Variants in PAX7 observed in about 807,000 individuals in gnomAD.
PAX7 encodes paired box protein Pax-7.
PAX7 carries 18 observed loss-of-function variants against 50.7 expected under a neutral mutation model. That is an observed-to-expected ratio of 0.36 (90% CI 0.25 to 0.53). The LOEUF (loss-of-function observed/expected upper bound fraction) is 0.53, where lower values mean the gene tolerates loss of function less well. Ranked by LOEUF, PAX7 falls within the 20% of genes least tolerant of loss-of-function variation. PAX7 has a pLI of 0.93. For synonymous variants in PAX7, 310 were observed against 290.4 expected (o/e 1.07, Z -0.69); for missense variants, 644 against 702.9 (o/e 0.92, Z 0.95).
At chr1:18,650,179 C>G (rs1351410533) in intron 4 of PAX7, among the ~76,000 whole-genome samples, 2 of 152,236 alleles carry the variant, frequency 1.3e-5, no homozygotes, top group Non-Finnish European at 2.9e-5. Context: ...AATCAGAGCC[C>G]TCAGGCTGTG....
chr1:18,681,278 A>T (rs1014426092), intron 4 of PAX7, among the ~76,000 whole-genome samples: 1 of 151,658 alleles, frequency 6.6e-6, no homozygotes, highest in Non-Finnish European at 1.5e-5. Flanking sequence ...CTCCTCACTA[A>T]TTCACAGCTG....
At position 18,727,371 on chromosome 1, in the gene PAX7, TACACACACAC is replaced by T. The variant is rs56258552; in HGVS notation, c.1156-8231_1156-8222del. ...TCATCCTCTCTCTCTCTCTCTCTCA[TACACACACAC>T]ACACACACACACACACACACACACA... On this transcript the variant is annotated intron_variant, in intron 7 of 8. Transcript: ENST00000420770. Among the ~76,000 whole-genome samples, 675 of 134,068 alleles carry T rather than the reference TACACACACAC, an allele frequency of 5.0e-3. 9 individuals carry two copies. Among genetic ancestry groups the T allele is most frequent in the African/African-American group, 0.018 (627 of 35,494 alleles). The allele number at this position is 134,068 out of a possible 152,430, so 88.0% of individuals were successfully genotyped here.
intron 7 of PAX7, among the ~76,000 whole-genome samples, chr1:18,712,411 C>T (rs1044405363): frequency 2.0e-5 from 3 of 152,336 alleles, no homozygotes; most frequent in East Asian, 1.9e-4. Context: ...AGCCTCTTCT[C>T]CTGTGAAAAT....
At chr1:18,642,895 A>G (rs375393115) in intron 4 of PAX7, among the ~76,000 whole-genome samples, 1 of 130,900 alleles carries the variant, frequency 7.6e-6, no homozygotes, top group South Asian at 2.5e-4. Context: ...GTGAGAGCGC[A>G]GGGGGAACTA....
intron 4 of PAX7, among the ~76,000 whole-genome samples, chr1:18,673,393 A>G (rs1409467637): frequency 1.3e-5 from 2 of 152,124 alleles, no homozygotes; most frequent in African/African-American, 2.4e-5. Context: ...AAGTGAACAC[A>G]TTTTTGTCCA....
intron 8 of PAX7, among the ~76,000 whole-genome samples, chr1:18,738,230 G>A (rs538657159): frequency 1.3e-5 from 2 of 152,256 alleles, no homozygotes; most frequent in Non-Finnish European, 2.9e-5. Flanking sequence ...AGAATTTCCA[G>A]AGGGTCCCAG....
chr1:18,654,084 A>G (rs543832640), intron 4 of PAX7, among the ~76,000 whole-genome samples: 4 of 152,200 alleles, frequency 2.6e-5, no homozygotes, highest in African/African-American at 9.6e-5. Context: ...GCAGCCCTGA[A>G]CAATGGCAAG....
At chr1:18,674,107 G>C (rs2088792089) in intron 4 of PAX7, among the ~76,000 whole-genome samples, 1 of 152,234 alleles carries the variant, frequency 6.6e-6, no homozygotes, top group Non-Finnish European at 1.5e-5. Flanking sequence ...TGGCCATATA[G>C]GAGGACGCAA....
chr1:18,654,207 G>A (rs1416596511), intron 4 of PAX7, among the ~76,000 whole-genome samples: 5 of 141,162 alleles, frequency 3.5e-5, no homozygotes, highest in South Asian at 2.3e-4. Flanking sequence ...CCCCCCACCC[G>A]CCAGCTCCAC....
chr1:18,730,179 T>C (rs2089629485), intron 7 of PAX7, among the ~76,000 whole-genome samples: 2 of 152,156 alleles, frequency 1.3e-5, no homozygotes, highest in Non-Finnish European at 1.5e-5. Context: ...AATAACTCTC[T>C]AGGTAGCTAC....
intron 7 of PAX7, among the ~76,000 whole-genome samples, chr1:18,725,167 C>T (rs377399655): frequency 5.8e-4 from 88 of 152,302 alleles, no homozygotes; most frequent in Non-Finnish European, 8.1e-4. Flanking sequence ...TGAGCTATCA[C>T]GGCCCTGAGT....
intron 7 of PAX7, among the ~76,000 whole-genome samples, chr1:18,707,148 C>T (rs548705652): frequency 3.3e-5 from 5 of 152,294 alleles, no homozygotes; most frequent in Admixed American, 2.6e-4. Context: ...AATCAGTGAA[C>T]ATGAGAGGAA....
chr1:18,735,925 C>T lies in PAX7; in HGVS notation c.1402+47C>T. The T allele has an allele frequency of 6.2e-7, 1 of 1,613,998 alleles. No homozygotes were observed. On this transcript the variant is annotated intron_variant, in intron 8 of 8. Coordinates refer to ENST00000420770, the MANE Select transcript of PAX7 (RefSeq NM_001135254.2). The surrounding 1 kb of genome is among the most constrained non-coding windows in gnomAD (Gnocchi z 4.0). ...CGTCCCCCGTCCCCATTCCTTCTCCCACCCCCAGGGCCTCCTGCTTGTTTA... is the reference window on the plus strand; with the variant it reads ...CGTCCCCCGTCCCCATTCCTTCTCCTACCCCCAGGGCCTCCTGCTTGTTTA...
At chr1:18,705,652 CG>C (rs903224803) in intron 7 of PAX7, among the ~76,000 whole-genome samples, 2 of 152,110 alleles carry the variant, frequency 1.3e-5, no homozygotes, top group Non-Finnish European at 2.9e-5. Flanking sequence ...GAGTGTGGGT[CG>C]GGGATGGGAA....
chr1:18,735,939 C>G lies in PAX7; in HGVS notation c.1402+61C>G, dbSNP rs1432219191. The G allele has an allele frequency of 6.2e-7, 1 of 1,613,920 alleles. No individual in the cohort carries two copies. The highest frequency in any genetic ancestry group is 2.2e-5 in the East Asian group (1 of 44,860). ...ATTCCTTCTCCCACCCCCAGGGCCT[C>G]CTGCTTGTTTATGGAGAGCTACAAG... On this transcript the variant is annotated intron_variant, in intron 8 of 8. Transcript: ENST00000420770. The surrounding 1 kb of genome is among the most constrained non-coding windows in gnomAD (Gnocchi z 4.0).
chr1:18,743,395 G>T (rs935361122), intron 8 of PAX7, among the ~76,000 whole-genome samples: 2 of 152,198 alleles, frequency 1.3e-5, no homozygotes, highest in African/African-American at 4.8e-5. Context: ...TCCTCAGGCC[G>T]TGCGTATCAC....
intron 8 of PAX7, among the ~76,000 whole-genome samples, chr1:18,744,514 A>G (rs1490976316): frequency 2.3e-5 from 2 of 88,438 alleles, no homozygotes; most frequent in Admixed American, 2.1e-4. Flanking sequence ...AGAATGGATA[A>G]ATGAATGAAT....
At position 18,634,607 on chromosome 1, in the gene PAX7, C is replaced by T; in HGVS notation, c.321+69C>T. The T allele has an allele frequency of 4.6e-6, 6 of 1,296,816 alleles. No homozygotes were observed. In the South Asian group the frequency reaches 7.5e-5, roughly 16 times the overall value. 80.3% of individuals were successfully genotyped at this position (1,296,816 alleles called of 1,614,324 possible). A position where few individuals can be genotyped will look rare whatever the true frequency, so the allele number is the denominator to read the frequency against. On this transcript the variant is annotated intron_variant, in intron 2 of 8. Transcript: ENST00000420770. The surrounding 1 kb of genome is among the most constrained non-coding windows in gnomAD (Gnocchi z 4.0). ...TCGGGGGCTCCTGGTTGTGGCCCCTCTTACTACCTCGTGGCACCAGGCTGT... is the reference window on the plus strand; with the variant it reads ...TCGGGGGCTCCTGGTTGTGGCCCCTTTTACTACCTCGTGGCACCAGGCTGT...
intron 4 of PAX7, among the ~76,000 whole-genome samples, chr1:18,678,612 T>C (rs1269450747): frequency 1.3e-5 from 2 of 152,106 alleles, no homozygotes; most frequent in African/African-American, 2.4e-5. Flanking sequence ...AGCTAATGAT[T>C]AGTCTCCAGC....
Sources: allele counts gnomAD v4.1 joint callset (sites outside exome capture counted in the v4.1 genomes callset), GRCh38; gene constraint gnomAD v4.1.1; non-coding constraint Gnocchi (gnomAD v3.1); transcripts MANE v1.5; gene names NCBI Gene and HGNC (gene_info 2026-07-23, HGNC 2026-07-21).